Variants in NOL4 observed in about 807,000 individuals in gnomAD.
NOL4 encodes cancer/testis antigen 125.
NOL4 carries 17 observed loss-of-function variants against 75.9 expected under a neutral mutation model. That is an observed-to-expected ratio of 0.22 (90% CI 0.15 to 0.34). NOL4 has a LOEUF of 0.34. Among genes scored for constraint, NOL4 ranks in the 10% least tolerant of loss-of-function variants. NOL4 has a pLI of 1.00. For missense variants in NOL4, 614 were observed against 793.5 expected (o/e 0.77, Z 2.72); for synonymous variants, 292 against 289.9 (o/e 1.01, Z -0.07).
chr18:33,985,484 A>C (rs2072360699), intron 6 of NOL4, among the ~76,000 whole-genome samples: 1 of 152,122 alleles, frequency 6.6e-6, no homozygotes, highest in Non-Finnish European at 1.5e-5. Flanking sequence ...TCATCTATTG[A>C]GAGGATGAAA....
chr18:34,152,509 A>G (rs2081691719), intron 1 of NOL4, among the ~76,000 whole-genome samples: 1 of 151,968 alleles, frequency 6.6e-6, no homozygotes, highest in Non-Finnish European at 1.5e-5. Flanking sequence ...TACACAGGAT[A>G]ATTTTGTTTG....
rs199947605 is a variant in NOL4 at position 33,883,210 on chromosome 18, TA to T, written c.1723+33del. The T allele has an allele frequency of 9.3e-4, 1,266 of 1,361,556 alleles. 4 individuals are homozygous for T. The highest frequency in any genetic ancestry group is 5.3e-3 in the African/African-American group (353 of 66,828). The allele number at this position is 1,361,556 out of a possible 1,614,324, so 84.3% of individuals were successfully genotyped here. A position where few individuals can be genotyped will look rare whatever the true frequency, so the allele number is the denominator to read the frequency against. The stretch of plus-strand genomic sequence containing the variant: ...ACCCTAAAACTTAAAGTATAATAAT[TA>T]AAAAAAAAACACAATCTATGATAAA... On this transcript the variant is annotated intron_variant, in intron 10 of 10. Coordinates refer to ENST00000261592, the MANE Select transcript of NOL4 (RefSeq NM_003787.5).
intron 6 of NOL4, among the ~76,000 whole-genome samples, chr18:33,985,095 A>G (rs1296340948): frequency 1.3e-5 from 2 of 152,128 alleles, no homozygotes; most frequent in South Asian, 2.1e-4. Context: ...GTGTTTCAGA[A>G]CAAAAACTGA....
intron 1 of NOL4, among the ~76,000 whole-genome samples, chr18:34,191,737 A>G (rs1222781899): frequency 6.6e-6 from 1 of 152,166 alleles, no homozygotes; most frequent in Non-Finnish European, 1.5e-5. Flanking sequence ...CCAAATATCT[A>G]GCTTCCAGGG....
intron 5 of NOL4, among the ~76,000 whole-genome samples, chr18:34,031,148 T>C (rs2075620660): frequency 6.6e-6 from 1 of 152,126 alleles, no homozygotes. Context: ...GGAGAATTGT[T>C]ATTTGATTAA....
chr18:33,860,296 C>A (rs545319823), intron 10 of NOL4, among the ~76,000 whole-genome samples: 11 of 152,176 alleles, frequency 7.2e-5, no homozygotes, highest in African/African-American at 2.6e-4. Flanking sequence ...CTACCTCCCC[C>A]CAAATCTCAC....
In NOL4 at chr18:34,158,431, A is replaced by T. The variant is rs1482955545; in HGVS notation, c.265-28411T>A. The stretch of plus-strand genomic sequence containing the variant: ...TTACCCCCCACCCTCGAGTTCAAAA[A>T]CAGAGCCATGTGGAAATAAATCCCC... On this transcript the variant is annotated intron_variant, in intron 1 of 10. Transcript: ENST00000261592. 4.6e-5 allele frequency among the ~76,000 whole-genome samples: 7 copies of T among 152,312 alleles called. No homozygotes were observed. The East Asian group carries it at 1.4e-3, about 30-fold the overall frequency.
chr18:33,922,954 C>G (rs1437577548), intron 9 of NOL4, among the ~76,000 whole-genome samples: 1 of 152,056 alleles, frequency 6.6e-6, no homozygotes, highest in Non-Finnish European at 1.5e-5. Context: ...TATTGAAATT[C>G]TGTTTAAAAA....
At chr18:33,857,780 C>A (rs973057632) in intron 10 of NOL4, among the ~76,000 whole-genome samples, 1 of 152,068 alleles carries the variant, frequency 6.6e-6, no homozygotes, top group African/African-American at 2.4e-5. Context: ...GTGTTTTCCA[C>A]AATACAACTG....
At chr18:34,222,060 A>G in intron 1 of NOL4, 1 of 1,535,516 alleles carries the variant, frequency 6.5e-7, no homozygotes, top group Non-Finnish European at 8.7e-7. Context: ...CAGATCTGCC[A>G]TCCTACTTGT....
intron 9 of NOL4, among the ~76,000 whole-genome samples, chr18:33,930,150 T>A (rs2067591936): frequency 6.6e-6 from 1 of 152,150 alleles, no homozygotes. Context: ...ATGGTAAAAG[T>A]CCATTGTAGA....
At chr18:34,168,311 A>C (rs1318251249) in intron 1 of NOL4, among the ~76,000 whole-genome samples, 1 of 151,886 alleles carries the variant, frequency 6.6e-6, no homozygotes, top group East Asian at 1.9e-4. Flanking sequence ...AAATAAAATT[A>C]TGTGTGTAAA....
At chr18:33,874,007 G>A (rs1354235192) in intron 10 of NOL4, among the ~76,000 whole-genome samples, 1 of 151,924 alleles carries the variant, frequency 6.6e-6, no homozygotes, top group Non-Finnish European at 1.5e-5. Flanking sequence ...TATGCACGGG[G>A]ATGAAGAATT....
intron 1 of NOL4, among the ~76,000 whole-genome samples, chr18:34,196,009 T>A (rs1475730755): frequency 6.6e-6 from 1 of 152,108 alleles, no homozygotes; most frequent in African/African-American, 2.4e-5. Flanking sequence ...ATAGCTGTAC[T>A]CATGAATAAC....
At chr18:33,896,696 G>A (rs542001038) in intron 9 of NOL4, among the ~76,000 whole-genome samples, 4 of 152,150 alleles carry the variant, frequency 2.6e-5, no homozygotes, top group Non-Finnish European at 5.9e-5. Context: ...ATATAATCCT[G>A]GACATATGAA....
Position 34,028,650 on chromosome 18 carries a change from G to A in NOL4, c.773-9049C>T, listed in dbSNP as rs117457196. On this transcript the variant is annotated intron_variant, in intron 5 of 10. Transcript: ENST00000261592. ...ATTTGAACTAACACTTTCTTCTTAAGGGCCAATGACCACATCAAAACCACC... is the reference window on the plus strand; with the variant it reads ...ATTTGAACTAACACTTTCTTCTTAAAGGCCAATGACCACATCAAAACCACC... 5.0e-4 allele frequency among the ~76,000 whole-genome samples: 76 copies of A among 152,266 alleles called. 3 individuals are homozygous for A. The East Asian group carries it at 0.014, about 28-fold the overall frequency.
chr18:34,141,169 T>C (rs866151008), intron 1 of NOL4, among the ~76,000 whole-genome samples: 1 of 151,856 alleles, frequency 6.6e-6, no homozygotes, highest in Non-Finnish European at 1.5e-5. Flanking sequence ...AACCACTGCT[T>C]AACGAAATAA....
At chr18:33,966,236 G>T (rs979984277) in intron 6 of NOL4, among the ~76,000 whole-genome samples, 1 of 152,076 alleles carries the variant, frequency 6.6e-6, no homozygotes, top group African/African-American at 2.4e-5. Context: ...ATTTATTTAA[G>T]ATGAGGAGAA....
At chr18:34,043,609 A>G (rs2076234272) in intron 5 of NOL4, among the ~76,000 whole-genome samples, 1 of 152,118 alleles carries the variant, frequency 6.6e-6, no homozygotes, top group African/African-American at 2.4e-5. Flanking sequence ...TCGCTTTAAA[A>G]ATATTCCTTG....
Sources: gnomAD v4.1 joint callset for allele counts (sites outside exome capture counted in the v4.1 genomes callset) on GRCh38, gnomAD v4.1.1 for gene constraint, MANE v1.5 for transcripts, NCBI Gene and HGNC (gene_info 2026-07-23, HGNC 2026-07-21) for gene names.